TICAM1: variants seen among roughly 807,000 people sequenced by gnomAD.
The protein encoded by TICAM1 is TIR domain-containing adapter molecule 1.
For missense variants in TICAM1, 895 were observed against 938.2 expected (o/e 0.95, Z 0.60); for synonymous variants, 439 against 415.4 (o/e 1.06, Z -0.69).
In TICAM1 at chr19:4,816,452, T is replaced by TG. The variant is rs762126373; in HGVS notation, c.1925dup (p.Pro643ThrfsTer123). 2.7e-5 allele frequency: 36 copies of TG among 1,324,702 alleles called. No individual in the cohort carries two copies. Among genetic ancestry groups the TG allele is most frequent in the Admixed American group, 1.2e-4 (5 of 41,540 alleles). 82.1% of individuals were successfully genotyped at this position (1,324,702 alleles called of 1,614,324 possible). A position where few individuals can be genotyped will look rare whatever the true frequency, so the allele number is the denominator to read the frequency against. ...AGGCTGCTGGCTGTGGGGAGGGCGG[T>TG]GGGGGGGTGCCAGCCTGCCATGCGT... On this transcript the variant is annotated frameshift_variant, in exon 2 of 2. Transcript: ENST00000248244. LOFTEE classifies it low-confidence loss of function (END_TRUNC). The surrounding 1 kb of genome is among the most constrained non-coding windows in gnomAD (Gnocchi z 4.3).
At position 4,817,820 on chromosome 19, in the gene TICAM1, C is replaced by A; in HGVS notation, c.558G>T (p.Ser186=). 3 of 1,603,910 alleles carry A rather than the reference C, an allele frequency of 1.9e-6. No homozygotes were observed. The highest frequency in any genetic ancestry group is 2.6e-6 in the Non-Finnish European group (3 of 1,176,120). The change falls in exon 2 of 2, where the codon TCG becomes TCT. Residue 186 remains serine, a synonymous_variant. Coordinates refer to ENST00000248244, the MANE Select transcript of TICAM1 (RefSeq NM_182919.4). The surrounding 1 kb of genome is among the most constrained non-coding windows in gnomAD (Gnocchi z 4.7). ...GCAGGGAGCACCCTTGGCTCCAGTC[C>A]GAAACACCGTCAATGGGGCGTGGGA... The part of the protein sequence containing the change: ...RSLPRPIDGV[S]DWSQGCSLRS...
chr19:4,826,597 T>A (rs2093605800), intron 1 of TICAM1, among the ~76,000 whole-genome samples: 1 of 152,194 alleles, frequency 6.6e-6, no homozygotes, highest in Non-Finnish European at 1.5e-5. Context: ...AGTGCTGGGA[T>A]TACAGGCGTG....
At chr19:4,820,081 G>A (rs2093594639) in intron 1 of TICAM1, among the ~76,000 whole-genome samples, 1 of 151,948 alleles carries the variant, frequency 6.6e-6, no homozygotes, top group Admixed American at 6.6e-5. Context: ...CATTCTTCTC[G>A]GGATGACAAT....
chr19:4,816,698 C>A lies in TICAM1; in HGVS notation c.1680G>T (p.Arg560=). ...CTGCGTTCAGTGCCGCCGCCTGCATCCGCTCACCGTCCAGGTGTTGGCTCT... is the reference window on the plus strand; with the variant it reads ...CTGCGTTCAGTGCCGCCGCCTGCATACGCTCACCGTCCAGGTGTTGGCTCT... ...REQSQHLDGE[R]MQAAALNAAY... Residue 560 remains arginine, a synonymous_variant, in exon 2 of 2, where the codon CGG becomes CGT. Transcript: ENST00000248244. The surrounding 1 kb of genome is among the most constrained non-coding windows in gnomAD (Gnocchi z 4.3). 1 of 1,614,134 alleles carries A rather than the reference C, an allele frequency of 6.2e-7. No individual in the cohort carries two copies. The highest frequency in any genetic ancestry group is 1.3e-5 in the African/African-American group (1 of 75,072).
intron 1 of TICAM1, among the ~76,000 whole-genome samples, chr19:4,831,207 C>T (rs760027224): frequency 5.4e-5 from 8 of 148,906 alleles, no homozygotes; most frequent in Non-Finnish European, 8.9e-5. Context: ...AAATTCAGGG[C>T]GTTGAGAGAA....
chr19:4,821,209 A>T (rs1211406980), intron 1 of TICAM1, among the ~76,000 whole-genome samples: 2 of 151,848 alleles, frequency 1.3e-5, no homozygotes, highest in Non-Finnish European at 2.9e-5. Context: ...AAAAAAAAAA[A>T]GTAATTTTTT....
rs751395479 is a variant in TICAM1, at chr19:4,817,760, G to A, written c.618C>T (p.Asn206=). The A allele has an allele frequency of 1.6e-5, 26 of 1,602,326 alleles. No homozygotes were observed. In the East Asian group the frequency reaches 5.4e-4, roughly 33 times the overall value. ...STGSPASLAS[N]LEISQSPTMP... ...TGGTAGGGGACTGGCTGATTTCCAAGTTGCTGGCCAGGGAGGCAGGGCTGC... is the reference window on the plus strand; with the variant it reads ...TGGTAGGGGACTGGCTGATTTCCAAATTGCTGGCCAGGGAGGCAGGGCTGC... Residue 206 remains asparagine (N), a synonymous_variant, in exon 2 of 2, where the codon AAC becomes AAT. Transcript: ENST00000248244. The surrounding 1 kb of genome is among the most constrained non-coding windows in gnomAD (Gnocchi z 4.7).
At chr19:4,827,724 C>G (rs1393265342) in intron 1 of TICAM1, among the ~76,000 whole-genome samples, 1 of 149,408 alleles carries the variant, frequency 6.7e-6, no homozygotes, top group Non-Finnish European at 1.5e-5. Context: ...TGCCACTGCA[C>G]TCCAGCCTGG....
At chr19:4,819,790 G>A (rs1043363623) in intron 1 of TICAM1, among the ~76,000 whole-genome samples, 4 of 152,002 alleles carry the variant, frequency 2.6e-5, no homozygotes, top group African/African-American at 4.8e-5. Context: ...CAGGAGAATC[G>A]CTTGAATCCG....
At chr19:4,830,183 G>A (rs752105543) in intron 1 of TICAM1, among the ~76,000 whole-genome samples, 3 of 152,050 alleles carry the variant, frequency 2.0e-5, no homozygotes, top group Non-Finnish European at 2.9e-5. Flanking sequence ...GAACTCCCGG[G>A]TTCAAGTGAT....
In TICAM1 at chr19:4,828,356, C is replaced by T. The variant is rs547135600; in HGVS notation, c.-140+3258G>A. Among the ~76,000 whole-genome samples the T allele has an allele frequency of 5.3e-5, 8 of 150,924 alleles. No individual in the cohort carries two copies. In the East Asian group the frequency reaches 1.6e-3, roughly 30 times the overall value. ...ATTAAGAAGTGATCCTCCCACTCAG[C>T]CTCCCAAGTAGCTGGGACTACAGGC... On this transcript the variant is annotated intron_variant, in intron 1 of 1. Transcript: ENST00000248244.
chr19:4,817,901 C>A lies in TICAM1; in HGVS notation c.477G>T (p.Gln159His), dbSNP rs1408873493. 2 of 1,613,922 alleles carry A rather than the reference C, an allele frequency of 1.2e-6. No homozygotes were observed. The highest frequency in any genetic ancestry group is 1.7e-6 in the Non-Finnish European group (2 of 1,180,008). The change falls in exon 2 of 2, where the codon CAG becomes CAT. Residue 159 changes from glutamine (Q) to histidine (H), a missense_variant. Gln to His is a conservative substitution (Grantham distance 24). Coordinates refer to ENST00000248244, the MANE Select transcript of TICAM1 (RefSeq NM_182919.4). The surrounding 1 kb of genome is among the most constrained non-coding windows in gnomAD (Gnocchi z 4.7). ...ATGGTGGGAGGCAGCCCAGATTGGA[C>A]TGGAGCGTCCGGATGCTCCCTGGAT... is the stretch of plus-strand genomic sequence containing the variant. Reference protein sequence around the residue: ...AGDPGSIRTLQSNLGCLPPSS... With the variant: ...AGDPGSIRTLHSNLGCLPPSS...
rs746263278 is a variant in TICAM1 at position 4,816,874 on chromosome 19, C to T, written c.1504G>A (p.Asp502Asn). The T allele has an allele frequency of 6.2e-7, 1 of 1,612,578 alleles. No homozygotes were observed. Residue 502 changes from aspartate to asparagine, a missense_variant, in exon 2 of 2, where the codon GAC (aspartate) becomes AAC (asparagine). Transcript: ENST00000248244. This position sits in a 1 kb window ranked among gnomAD's most constrained non-coding sequence, Gnocchi z 4.3. ...LESSPAQLSS[D>N]TASLLSGLVR... is the part of the protein sequence containing the mutation. ...AGCCCGGAGAGCAGGCTGGCCGTGT[C>T]GGAGCTGAGCTGGGCCGGGGAGCTC...
At chr19:4,828,892 G>A (rs1420102444) in intron 1 of TICAM1, among the ~76,000 whole-genome samples, 6 of 151,876 alleles carry the variant, frequency 4.0e-5, no homozygotes, top group South Asian at 2.1e-4. Flanking sequence ...TAGTAGGGAC[G>A]GGGTTTCACC....
intron 1 of TICAM1, among the ~76,000 whole-genome samples, chr19:4,820,900 A>G (rs923664033): frequency 6.6e-6 from 1 of 151,462 alleles, no homozygotes; most frequent in Non-Finnish European, 1.5e-5. Context: ...AACAAAAAGA[A>G]GTAATTTTTA....
chr19:4,817,859 A>G lies in TICAM1; in HGVS notation c.519T>C (p.Ser173=), dbSNP rs1313950092. Residue 173 remains serine (S), a synonymous_variant, in exon 2 of 2, where the codon TCT becomes TCC. Transcript: ENST00000248244. The surrounding 1 kb of genome is among the most constrained non-coding windows in gnomAD (Gnocchi z 4.7). The part of the protein sequence containing the change: ...GCLPPSSALP[S]GTRSLPRPID... ...TGGGGCGTGGGAGGCTCCTGGTCCC[A>G]GAGGGCAAAGCCGAGGATGGTGGGA... 6.2e-7 allele frequency: 1 copy of G among 1,612,810 alleles called. No individual in the cohort carries two copies. The highest frequency in any genetic ancestry group is 1.3e-5 in the African/African-American group (1 of 74,918).
chr19:4,824,801 C>T (rs1039817274), intron 1 of TICAM1, among the ~76,000 whole-genome samples: 2 of 151,856 alleles, frequency 1.3e-5, no homozygotes, highest in Non-Finnish European at 2.9e-5. Context: ...CGTGTGGTGG[C>T]GGGTGCCTGT....
Position 4,817,922 on chromosome 19 carries a change from T to A in TICAM1, c.456A>T (p.Pro152=). The A allele has an allele frequency of 6.2e-7, 1 of 1,613,950 alleles. No individual in the cohort carries two copies. Among genetic ancestry groups the A allele is most frequent in the Non-Finnish European group, 8.5e-7 (1 of 1,179,990 alleles). Residue 152 remains proline (P), a synonymous_variant, in exon 2 of 2, where the codon CCA becomes CCT. Coordinates refer to ENST00000248244, the MANE Select transcript of TICAM1 (RefSeq NM_182919.4). This position sits in a 1 kb window ranked among gnomAD's most constrained non-coding sequence, Gnocchi z 4.7. ...NRCGWDIAGD[P]GSIRTLQSNL... ...TGGACTGGAGCGTCCGGATGCTCCC[T>A]GGATCCCCAGCAATGTCCCACCCAC... is the stretch of plus-strand genomic sequence containing the variant.
At chr19:4,821,189 C>T (rs1158558099) in intron 1 of TICAM1, among the ~76,000 whole-genome samples, 1 of 150,786 alleles carries the variant, frequency 6.6e-6, no homozygotes, top group African/African-American at 2.4e-5. Flanking sequence ...GAGTGAAACT[C>T]CATCTCAAAA....
Sources: gnomAD v4.1 joint callset for allele counts (sites outside exome capture counted in the v4.1 genomes callset) on GRCh38, gnomAD v4.1.1 for gene constraint, Gnocchi (gnomAD v3.1) non-coding constraint, MANE v1.5 for transcripts, NCBI Gene and HGNC (gene_info 2026-07-23, HGNC 2026-07-21) for gene names.